Variants in EZH2 observed in about 807,000 individuals in gnomAD.
The protein encoded by EZH2 is enhancer of zeste 2 polycomb repressive complex 2 subunit, also known as histone-lysine N-methyltransferase EZH2.
Under a neutral mutation model 98.4 loss-of-function variants are expected in EZH2, and 18 were observed. The observed-to-expected ratio is 0.18, with a 90% CI of 0.13 to 0.27. The LOEUF is 0.27. EZH2 is among the 10% of genes least tolerant of loss of function. EZH2 has a pLI of 1.00. For synonymous variants in EZH2, 338 were observed against 312.3 expected, an observed-to-expected ratio of 1.08 and a Z score of -0.87; for missense variants, 470 against 935.1, an observed-to-expected ratio of 0.50 and a Z score of 6.49.
intron 4 of EZH2, among the ~76,000 whole-genome samples, chr7:148,832,381 T>A (rs186632686): frequency 3.9e-5 from 6 of 152,252 alleles, no homozygotes; most frequent in Non-Finnish European, 1.5e-5. Flanking sequence ...GCCCAGCCCA[T>A]CTTTTAAATA....
Position 148,847,221 on chromosome 7 carries a change from C to T in EZH2, c.78G>A (p.Leu26=), listed in dbSNP as rs761084290. 1.2e-6 allele frequency: 2 copies of T among 1,613,844 alleles called. No individual in the cohort carries two copies. Among genetic ancestry groups the T allele is most frequent in the Admixed American group, 1.7e-5 (1 of 59,948 alleles). ...CTCGTCTGAACCTCTTGAGCTGTCT[C>T]AGTCGCATGTACTCTGATTTTACAC... ...RKRVKSEYMR[L]RQLKRFRRAD... is the part of the protein sequence containing the mutation. Residue 26 remains leucine (L), a synonymous_variant, in exon 2 of 20, where the codon CTG becomes CTA. Transcript: ENST00000320356.
At chr7:148,880,370 A>T (rs1221348457) in intron 1 of EZH2, among the ~76,000 whole-genome samples, 1 of 152,254 alleles carries the variant, frequency 6.6e-6, no homozygotes, top group Admixed American at 6.5e-5. Context: ...CCAATAAAGA[A>T]CTCATGAATT....
chr7:148,848,357 C>T (rs959158041), intron 1 of EZH2, among the ~76,000 whole-genome samples: 2 of 152,108 alleles, frequency 1.3e-5, no homozygotes, highest in African/African-American at 4.8e-5. Flanking sequence ...GGGAAAAGTA[C>T]GTGAATTCAA....
At chr7:148,832,122 G>GCTGT (rs1809559155) in intron 4 of EZH2, among the ~76,000 whole-genome samples, 2 of 152,112 alleles carry the variant, frequency 1.3e-5, no homozygotes, top group African/African-American at 4.8e-5. Context: ...ACAGGGTCTG[G>GCTGT]CTGTCACCCA....
chr7:148,873,862 A>AG (rs1260852274), intron 1 of EZH2, among the ~76,000 whole-genome samples: 1 of 36,058 alleles, frequency 2.8e-5, no homozygotes, highest in Non-Finnish European at 4.9e-5. Context: ...AAGGAGAGAG[A>AG]AAAAAAAAAA....
intron 1 of EZH2, among the ~76,000 whole-genome samples, chr7:148,847,598 C>T (rs1427169230): frequency 6.6e-6 from 1 of 152,196 alleles, no homozygotes; most frequent in Non-Finnish European, 1.5e-5. Flanking sequence ...TACTATATCA[C>T]AACCTAGTTT....
intron 3 of EZH2, among the ~76,000 whole-genome samples, chr7:148,834,383 A>G (rs929632386): frequency 6.8e-6 from 1 of 147,352 alleles, no homozygotes; most frequent in African/African-American, 2.6e-5. Flanking sequence ...ACACACACAC[A>G]TATTAAATGT....
intron 8 of EZH2, among the ~76,000 whole-genome samples, chr7:148,824,642 G>A (rs913228155): frequency 3.3e-5 from 5 of 152,102 alleles, no homozygotes; most frequent in African/African-American, 2.4e-5. Context: ...ATGCATCTCC[G>A]TCCATAAGTA....
At position 148,809,057 on chromosome 7, in the gene EZH2, T is replaced by A; in HGVS notation, c.2195+14A>T. On this transcript the variant is annotated intron_variant, in intron 19 of 19. Coordinates refer to ENST00000320356, the MANE Select transcript of EZH2 (RefSeq NM_004456.5). ...AAGCCCTTAGAGATCATGCTAGAAA[T>A]GTACTTTACCAACCTGTAATCAAAA... 1.2e-6 allele frequency: 2 copies of A among 1,609,764 alleles called. No individual in the cohort carries two copies. Among genetic ancestry groups the A allele is most frequent in the Non-Finnish European group, 1.7e-6 (2 of 1,176,000 alleles).
At chr7:148,817,687 A>G in intron 10 of EZH2, 190 bp downstream of exon 10, 1 of 800,226 alleles carries the variant, frequency 1.2e-6, no homozygotes, top group Non-Finnish European at 2.0e-6. Context: ...CAAGCAGGGC[A>G]AACACCACAA....
intron 8 of EZH2, among the ~76,000 whole-genome samples, chr7:148,821,972 G>A (rs569697048): frequency 3.9e-5 from 6 of 152,266 alleles, no homozygotes; most frequent in Non-Finnish European, 8.8e-5. Flanking sequence ...AATACATATG[G>A]CAACAGGCAA....
chr7:148,827,487 G>C (rs1808057170), intron 6 of EZH2, among the ~76,000 whole-genome samples: 1 of 152,108 alleles, frequency 6.6e-6, no homozygotes, highest in Admixed American at 6.5e-5. Flanking sequence ...AAGAGCACTG[G>C]GAAGCAGAAA....
intron 1 of EZH2, among the ~76,000 whole-genome samples, chr7:148,863,373 TCA>T (rs1483020794): frequency 1.3e-5 from 2 of 152,190 alleles, no homozygotes; most frequent in Admixed American, 1.3e-4. Context: ...ATTATACCTG[TCA>T]AACTACAGAA....
chr7:148,834,362 C>CATATATATAT lies in EZH2; in HGVS notation c.247-1613_247-1612insATATATATAT, dbSNP rs1283044499. Reference sequence around the variant, plus strand: ...TTATATATATATATATACACACACACACACACACACACACACACACATATT... The same window carrying CATATATATAT: ...TTATATATATATATATACACACACACATATATATATACACACACACACACACACACATATT... On this transcript the variant is annotated intron_variant, in intron 3 of 19. Coordinates refer to ENST00000320356, the MANE Select transcript of EZH2 (RefSeq NM_004456.5). Among the ~76,000 whole-genome samples, 277 of 147,864 alleles carry CATATATATAT rather than the reference C, an allele frequency of 1.9e-3. 1 individual carries two copies. Among genetic ancestry groups the CATATATATAT allele is most frequent in the African/African-American group, 6.5e-3 (253 of 39,178 alleles).
At chr7:148,862,379 A>G (rs1036052984) in intron 1 of EZH2, among the ~76,000 whole-genome samples, 1 of 152,230 alleles carries the variant, frequency 6.6e-6, no homozygotes, top group Non-Finnish European at 1.5e-5. Flanking sequence ...ATCTCATCAG[A>G]AAGTCTTTAA....
chr7:148,855,543 A>C (rs1165417588), intron 1 of EZH2, among the ~76,000 whole-genome samples: 1 of 152,094 alleles, frequency 6.6e-6, no homozygotes, highest in South Asian at 2.1e-4. Flanking sequence ...GTGAGAAGTA[A>C]ATTTATTTAC....
chr7:148,813,207 G>T (rs139031465), intron 15 of EZH2, among the ~76,000 whole-genome samples: 18 of 152,100 alleles, frequency 1.2e-4, no homozygotes, highest in African/African-American at 4.3e-4. Context: ...CACTCACAGG[G>T]TTAGGAGAAT....
intron 8 of EZH2, among the ~76,000 whole-genome samples, chr7:148,822,494 A>G (rs1169679184): frequency 1.3e-5 from 2 of 151,828 alleles, no homozygotes; most frequent in Non-Finnish European, 2.9e-5. Flanking sequence ...TGAGCGACAG[A>G]GCAAGACTGT....
At chr7:148,840,543 A>T (rs1210575434) in intron 3 of EZH2, among the ~76,000 whole-genome samples, 3 of 152,192 alleles carry the variant, frequency 2.0e-5, no homozygotes, top group Non-Finnish European at 4.4e-5. Flanking sequence ...TGTGTTATCT[A>T]AATTTTTACA....
Sources: gnomAD v4.1 joint callset for allele counts (sites outside exome capture counted in the v4.1 genomes callset) on GRCh38, gnomAD v4.1.1 for gene constraint, MANE v1.5 for transcripts, NCBI Gene and HGNC (gene_info 2026-07-23, HGNC 2026-07-21) for gene names.